The following SCHIP1 variants were observed in gnomAD, a reference collection of about 807,000 sequenced individuals.
SCHIP1 encodes the protein schwannomin-interacting protein 1.
Under a neutral mutation model 29.7 loss-of-function variants are expected in SCHIP1, and 8 were observed. The observed-to-expected ratio is 0.27, with a 90% confidence interval of 0.16 to 0.49. The LOEUF (loss-of-function observed/expected upper bound fraction) is 0.49, where lower values mean the gene tolerates loss of function less well. SCHIP1 is among the 20% of genes least tolerant of loss of function. The pLI, the probability that SCHIP1 is intolerant of heterozygous loss-of-function variation, is 0.99. For missense variants in SCHIP1, 193 were observed against 294.6 expected, an observed-to-expected ratio of 0.66 and a Z score of 2.52; for synonymous variants, 76 against 94.9, an observed-to-expected ratio of 0.80 and a Z score of 1.16.
chr3:159,608,157 A>C, the SCHIP1 span, among the ~76,000 whole-genome samples: 1 of 152,208 alleles, frequency 6.6e-6, no homozygotes, highest in African/African-American at 2.4e-5. Context: ...TAAACACTAA[A>C]TTCCAGAAAG....
At chr3:159,472,367 C>T in the SCHIP1 span, among the ~76,000 whole-genome samples, 2 of 152,244 alleles carry the variant, frequency 1.3e-5, no homozygotes, top group Middle Eastern at 3.4e-3. Flanking sequence ...ATCGAATACT[C>T]ACAACCTCAC....
At chr3:159,624,842 AT>A in the SCHIP1 span, among the ~76,000 whole-genome samples, 1 of 152,210 alleles carries the variant, frequency 6.6e-6, no homozygotes, top group East Asian at 1.9e-4. Context: ...CTTGTTTGGG[AT>A]TTTTGGCTTT....
At chr3:159,459,520 T>C in the SCHIP1 span, among the ~76,000 whole-genome samples, 1 of 151,354 alleles carries the variant, frequency 6.6e-6, no homozygotes, top group South Asian at 2.1e-4. Context: ...GATCAGCATC[T>C]GAACAAGTTA....
the SCHIP1 span, among the ~76,000 whole-genome samples, chr3:159,398,215 G>A: frequency 7.9e-5 from 12 of 152,064 alleles, no homozygotes; most frequent in African/African-American, 1.7e-4. Flanking sequence ...ACTGACCTAC[G>A]CCCACTGTCT....
the SCHIP1 span, among the ~76,000 whole-genome samples, chr3:159,474,164 G>C: frequency 1.3e-5 from 2 of 152,084 alleles, no homozygotes; most frequent in Non-Finnish European, 2.9e-5. Context: ...CTGTTATATA[G>C]ATATGAGACC....
At chr3:159,801,828 A>G in the SCHIP1 span, among the ~76,000 whole-genome samples, 79 of 152,258 alleles carry the variant, frequency 5.2e-4, 1 homozygote, top group Admixed American at 5.2e-3. Flanking sequence ...TGCACGAGGT[A>G]GGAAAAAAAC....
the SCHIP1 span, among the ~76,000 whole-genome samples, chr3:159,344,885 T>C: frequency 6.6e-6 from 1 of 152,172 alleles, no homozygotes; most frequent in Non-Finnish European, 1.5e-5. Context: ...GTATGGGAGT[T>C]ATGGGAACTC....
the SCHIP1 span, among the ~76,000 whole-genome samples, chr3:159,641,226 C>T: frequency 2.0e-5 from 3 of 152,122 alleles, no homozygotes; most frequent in Non-Finnish European, 4.4e-5. Flanking sequence ...ATCCCTCCAA[C>T]ATGGAAATTT....
the SCHIP1 span, among the ~76,000 whole-genome samples, chr3:159,361,093 A>G: frequency 2.0e-5 from 3 of 152,366 alleles, no homozygotes; most frequent in East Asian, 1.9e-4. Context: ...TCTTGTCCTC[A>G]TGGACTTTAC....
the SCHIP1 span, among the ~76,000 whole-genome samples, chr3:159,454,534 C>T: frequency 3.3e-5 from 5 of 152,118 alleles, no homozygotes; most frequent in African/African-American, 1.2e-4. Flanking sequence ...ATCTTGGTGT[C>T]CCCAGTCAAG....
At chr3:159,672,083 A>C in the SCHIP1 span, among the ~76,000 whole-genome samples, 1 of 152,346 alleles carries the variant, frequency 6.6e-6, no homozygotes, top group East Asian at 1.9e-4. Flanking sequence ...GATATCTCAC[A>C]AGGACTCCAG....
At chr3:159,822,344 A>C in the SCHIP1 span, among the ~76,000 whole-genome samples, 1 of 152,138 alleles carries the variant, frequency 6.6e-6, no homozygotes, top group Non-Finnish European at 1.5e-5. Context: ...AATGGTGAAA[A>C]GTGGACAGTA....
At chr3:159,674,555 T>C in the SCHIP1 span, among the ~76,000 whole-genome samples, 2 of 127,100 alleles carry the variant, frequency 1.6e-5, no homozygotes, top group South Asian at 2.4e-4. Context: ...TGTCCATGCA[T>C]AGCAGGATTT....
At chr3:159,311,584 G>A in the SCHIP1 span, among the ~76,000 whole-genome samples, 174 of 151,984 alleles carry the variant, frequency 1.1e-3, no homozygotes, top group African/African-American at 3.7e-3. Context: ...AATATATTAC[G>A]TAATATACAC....
At chr3:159,438,971 A>G in the SCHIP1 span, among the ~76,000 whole-genome samples, 3 of 152,182 alleles carry the variant, frequency 2.0e-5, no homozygotes, top group Non-Finnish European at 4.4e-5. Flanking sequence ...GTATTTTTAT[A>G]ATAGACTGAT....
chr3:159,304,569 G>A, the SCHIP1 span, among the ~76,000 whole-genome samples: 2 of 151,640 alleles, frequency 1.3e-5, no homozygotes, highest in African/African-American at 4.9e-5. Flanking sequence ...ATGTGGCTAT[G>A]AATAAGATTC....
At chr3:159,283,064 A>G in the SCHIP1 span, among the ~76,000 whole-genome samples, 1 of 152,200 alleles carries the variant, frequency 6.6e-6, no homozygotes, top group Non-Finnish European at 1.5e-5. Context: ...AACGCTGTGT[A>G]GATAAATAAA....
chr3:159,325,441 T>C, the SCHIP1 span, among the ~76,000 whole-genome samples: 1,731 of 152,240 alleles, frequency 0.011, 19 homozygotes, highest in South Asian at 0.032. Flanking sequence ...CAATCAGATG[T>C]CTTTCCCAGA....
the SCHIP1 span, among the ~76,000 whole-genome samples, chr3:159,507,372 T>A: frequency 1.2e-4 from 18 of 152,220 alleles, no homozygotes; most frequent in East Asian, 2.7e-3. Flanking sequence ...TTGCGCTGAG[T>A]CGATGGGGTT....
Sources: gnomAD v4.1 joint callset for allele counts (sites outside exome capture counted in the v4.1 genomes callset) on GRCh38, gnomAD v4.1.1 for gene constraint, MANE v1.5 for transcripts, NCBI Gene and HGNC (gene_info 2026-07-23, HGNC 2026-07-21) for gene names.